KCNIP4: variants seen among roughly 807,000 people sequenced by gnomAD.
KCNIP4 encodes potassium voltage-gated channel interacting protein 4, also known as Kv channel-interacting protein 4.
KCNIP4 carries 12 observed loss-of-function variants against 34.0 expected under a neutral mutation model. The ratio of observed to expected loss-of-function variants is 0.35; its 90% CI spans 0.23 to 0.57. The LOEUF (loss-of-function observed/expected upper bound fraction) is 0.57, where lower values mean the gene tolerates loss of function less well. Ranked by LOEUF, KCNIP4 falls within the 20% of genes least tolerant of loss-of-function variation. The pLI is 0.83. For synonymous variants in KCNIP4, 124 were observed against 102.2 expected, an observed-to-expected ratio of 1.21 and a Z score of -1.29; for missense variants, 238 against 311.7, an observed-to-expected ratio of 0.76 and a Z score of 1.78.
intron 1 of KCNIP4, among the ~76,000 whole-genome samples, chr4:21,563,172 A>T (rs1739593501): frequency 6.6e-6 from 1 of 152,012 alleles, no homozygotes; most frequent in Non-Finnish European, 1.5e-5. Context: ...TTTTTTAAAG[A>T]TAGGTATTTC....
At chr4:21,787,452 T>C (rs945305495) in intron 1 of KCNIP4, among the ~76,000 whole-genome samples, 1 of 152,212 alleles carries the variant, frequency 6.6e-6, no homozygotes, top group African/African-American at 2.4e-5. Flanking sequence ...CTCTCATTTA[T>C]GCCCACACAG....
At chr4:20,803,725 G>A (rs1457512665) in intron 3 of KCNIP4, among the ~76,000 whole-genome samples, 1 of 93,524 alleles carries the variant, frequency 1.1e-5, no homozygotes, top group Non-Finnish European at 2.4e-5. Context: ...GAGAGAGAGA[G>A]AGAGGAAGGA....
At chr4:21,166,059 T>G (rs1273881058) in intron 1 of KCNIP4, among the ~76,000 whole-genome samples, 1 of 152,180 alleles carries the variant, frequency 6.6e-6, no homozygotes, top group Non-Finnish European at 1.5e-5. Flanking sequence ...CACCTTGATC[T>G]TAGACTTTTC....
intron 1 of KCNIP4, among the ~76,000 whole-genome samples, chr4:21,525,785 ATAAT>A (rs1292355650): frequency 4.6e-5 from 7 of 152,182 alleles, no homozygotes; most frequent in African/African-American, 9.6e-5. Flanking sequence ...TACAACTGAA[ATAAT>A]TAATAGAAAT....
In KCNIP4 at chr4:21,247,269, T is replaced by G. The variant is rs547287424; in HGVS notation, c.62-364560A>C. On this transcript the variant is annotated intron_variant, in intron 1 of 8. Coordinates refer to ENST00000382152, the MANE Select transcript of KCNIP4 (RefSeq NM_025221.6). ...CAAAACCACCTCAAATTACTGTACA[T>G]TTCTCATTGCTTCTGTTAGCCATCC... Among the ~76,000 whole-genome samples, 108 of 152,214 alleles carry G rather than the reference T, an allele frequency of 7.1e-4. No individual in the cohort carries two copies. In the South Asian group the frequency reaches 0.022, roughly 30 times the overall value.
At chr4:21,667,555 A>G (rs1293111573) in intron 1 of KCNIP4, among the ~76,000 whole-genome samples, 1 of 152,212 alleles carries the variant, frequency 6.6e-6, no homozygotes, top group Non-Finnish European at 1.5e-5. Flanking sequence ...TTGTCCAGAC[A>G]TGATATTTTT....
intron 1 of KCNIP4, among the ~76,000 whole-genome samples, chr4:21,720,072 A>C (rs1314426387): frequency 6.6e-6 from 1 of 151,810 alleles, no homozygotes; most frequent in African/African-American, 2.4e-5. Context: ...AGAAGAAAAA[A>C]AAAACAGGGC....
At chr4:20,857,578 C>A (rs920485030) in intron 2 of KCNIP4, among the ~76,000 whole-genome samples, 1 of 152,104 alleles carries the variant, frequency 6.6e-6, no homozygotes, top group Non-Finnish European at 1.5e-5. Flanking sequence ...ACATATATAT[C>A]TCCTATGCAT....
chr4:20,847,760 G>C (rs986558197), intron 3 of KCNIP4, among the ~76,000 whole-genome samples: 5 of 152,110 alleles, frequency 3.3e-5, no homozygotes, highest in Non-Finnish European at 7.4e-5. Context: ...TACTTGCAGG[G>C]GTGCCTGGCT....
At chr4:20,732,888 T>TTTTG (rs1748678049) in intron 6 of KCNIP4, 103 bp from the exon 7 acceptor site, 2 of 694,398 alleles carry the variant, frequency 2.9e-6, no homozygotes. Context: ...ATTTTTGACT[T>TTTTG]TTTGTTTGTT....
In KCNIP4 at chr4:21,065,765, T is replaced by TATAC. The variant is rs1491302260; in HGVS notation, c.62-183057_62-183056insGTAT. Reference sequence around the variant, plus strand: ...ATATATATATATATATATATATATATAACTCAATTTTATTTTAAAAAATAG... The same window carrying TATAC: ...ATATATATATATATATATATATATATATACAACTCAATTTTATTTTAAAAAATAG... On this transcript the variant is annotated intron_variant, in intron 1 of 8. Coordinates refer to ENST00000382152, the MANE Select transcript of KCNIP4 (RefSeq NM_025221.6). Among the ~76,000 whole-genome samples the TATAC allele has an allele frequency of 5.2e-5, 6 of 114,832 alleles. No individual in the cohort carries two copies. In the Admixed American group the frequency reaches 5.6e-4, roughly 11 times the overall value. 75.3% of individuals were successfully genotyped at this position (114,832 alleles called of 152,430 possible).
intron 1 of KCNIP4, among the ~76,000 whole-genome samples, chr4:21,094,240 G>C (rs1747270624): frequency 6.6e-6 from 1 of 152,116 alleles, no homozygotes; most frequent in Non-Finnish European, 1.5e-5. Flanking sequence ...TAGAGGAATA[G>C]TGCTTTTCTG....
Position 20,964,521 on chromosome 4 carries a change from G to C in KCNIP4, c.62-81812C>G, listed in dbSNP as rs140324407. On this transcript the variant is annotated intron_variant, in intron 1 of 8. Transcript: ENST00000382152. ...AAGCTCAGCAAGATCGTCTTTTTTG[G>C]GGGGGAGGTGGTAATTAACTGAGTG... Among the ~76,000 whole-genome samples the C allele has an allele frequency of 1.9e-4, 29 of 152,150 alleles. No individual in the cohort carries two copies. The East Asian group carries it at 1.9e-3, about 10-fold the overall frequency.
chr4:21,517,609 C>G (rs1039369317), intron 1 of KCNIP4, among the ~76,000 whole-genome samples: 1 of 151,870 alleles, frequency 6.6e-6, no homozygotes, highest in African/African-American at 2.4e-5. Context: ...TTTTTTTTAT[C>G]CTGCCTAATA....
At chr4:21,081,694 A>G (rs1746018876) in intron 1 of KCNIP4, among the ~76,000 whole-genome samples, 1 of 151,924 alleles carries the variant, frequency 6.6e-6, no homozygotes, top group African/African-American at 2.4e-5. Context: ...ACATGATTAC[A>G]AAACAAGTCT....
chr4:20,937,218 G>A (rs1426480833), intron 1 of KCNIP4, among the ~76,000 whole-genome samples: 1 of 132,564 alleles, frequency 7.5e-6, no homozygotes, highest in Non-Finnish European at 1.6e-5. Context: ...TGCCCCCAAG[G>A]AGTCTTTTTT....
chr4:21,690,645 T>A (rs1711532871), intron 1 of KCNIP4, among the ~76,000 whole-genome samples: 1 of 152,200 alleles, frequency 6.6e-6, no homozygotes, highest in Non-Finnish European at 1.5e-5. Context: ...CAGAACCGTA[T>A]GTCAAGTAAA....
At chr4:21,241,645 A>G (rs531895679) in intron 1 of KCNIP4, among the ~76,000 whole-genome samples, 12 of 152,302 alleles carry the variant, frequency 7.9e-5, no homozygotes, top group Admixed American at 4.6e-4. Context: ...GTTAATTCAT[A>G]TTGTGAAGAA....
intron 3 of KCNIP4, among the ~76,000 whole-genome samples, chr4:20,784,377 A>T (rs971553004): frequency 6.6e-6 from 1 of 152,212 alleles, no homozygotes; most frequent in African/African-American, 2.4e-5. Context: ...ACCGTGAAAG[A>T]TAACAGTCTA....
Sources: gnomAD v4.1 joint callset for allele counts (sites outside exome capture counted in the v4.1 genomes callset) on GRCh38, gnomAD v4.1.1 for gene constraint, MANE v1.5 for transcripts, NCBI Gene and HGNC (gene_info 2026-07-23, HGNC 2026-07-21) for gene names.